SHC3: variants seen among roughly 807,000 people sequenced by gnomAD.
The protein encoded by SHC3 is SHC adaptor protein 3.
In SHC3, 15 loss-of-function variants were observed where a neutral mutation model predicts 60.4. The observed-to-expected ratio is 0.25, with a 90% confidence interval of 0.17 to 0.38. The LOEUF (loss-of-function observed/expected upper bound fraction) is 0.38, where lower values mean the gene tolerates loss of function less well. SHC3 is among the 10% of genes least tolerant of loss of function. The pLI is 1.00. For missense variants in SHC3, 677 were observed against 786.1 expected, an observed-to-expected ratio of 0.86 and a Z score of 1.66; for synonymous variants, 294 against 325.9, an observed-to-expected ratio of 0.90 and a Z score of 1.05.
At chr9:89,052,308 T>C in intron 6 of SHC3, 145 bp from the exon 7 acceptor site, 1 of 947,768 alleles carries the variant, frequency 1.1e-6, no homozygotes, top group South Asian at 1.9e-5. Flanking sequence ...ACCACAGCTT[T>C]ATCTCCAGGT....
intron 1 of SHC3, among the ~76,000 whole-genome samples, chr9:89,136,352 G>C (rs536303040): frequency 6.6e-6 from 1 of 152,162 alleles, no homozygotes; most frequent in South Asian, 2.1e-4. Context: ...GGTATGATAG[G>C]AGGTCAGCAC....
At chr9:89,109,872 G>T (rs571630142) in intron 2 of SHC3, 17 of 985,432 alleles carry the variant, frequency 1.7e-5, no homozygotes, top group Middle Eastern at 5.2e-4. Context: ...TCTCTCCCAT[G>T]AAACATCCAA....
chr9:89,168,954 G>A (rs528872207), intron 1 of SHC3, among the ~76,000 whole-genome samples: 1 of 152,206 alleles, frequency 6.6e-6, no homozygotes, highest in Non-Finnish European at 1.5e-5. Context: ...TGAAACATTG[G>A]CTTTTCCTGG....
chr9:89,123,032 G>C (rs890622924), intron 1 of SHC3, among the ~76,000 whole-genome samples: 3 of 152,202 alleles, frequency 2.0e-5, no homozygotes, highest in Non-Finnish European at 4.4e-5. Context: ...AGTCCCAGGT[G>C]ATGCCAATGC....
chr9:89,073,183 A>G (rs1283931552), intron 4 of SHC3, among the ~76,000 whole-genome samples: 1 of 152,232 alleles, frequency 6.6e-6, no homozygotes, highest in Non-Finnish European at 1.5e-5. Context: ...ATTTTTGCTT[A>G]TAAGGCAGGT....
chr9:89,091,018 T>C (rs1405606626), intron 2 of SHC3, among the ~76,000 whole-genome samples: 1 of 152,106 alleles, frequency 6.6e-6, no homozygotes, highest in African/African-American at 2.4e-5. Context: ...TTGGGGGACA[T>C]AAAGCAAGAT....
At chr9:89,105,283 A>G (rs1008503539) in intron 2 of SHC3, among the ~76,000 whole-genome samples, 17 of 152,162 alleles carry the variant, frequency 1.1e-4, no homozygotes, top group Admixed American at 9.2e-4. Context: ...CTCTGGGTTC[A>G]GACTGTTCTA....
At chr9:89,073,236 G>GA (rs988023042) in intron 4 of SHC3, among the ~76,000 whole-genome samples, 3 of 152,072 alleles carry the variant, frequency 2.0e-5, no homozygotes, top group Non-Finnish European at 4.4e-5. Context: ...CTGTGATTTG[G>GA]AAAAAAAATG....
chr9:89,101,115 A>G (rs1825777274), intron 2 of SHC3, among the ~76,000 whole-genome samples: 1 of 152,228 alleles, frequency 6.6e-6, no homozygotes, highest in South Asian at 2.1e-4. Context: ...TTCTTAGCAT[A>G]TAAATCTTAC....
chr9:89,022,230 G>C (rs778200284), intron 11 of SHC3, among the ~76,000 whole-genome samples: 23 of 151,998 alleles, frequency 1.5e-4, no homozygotes, highest in Non-Finnish European at 7.4e-5. Context: ...CGGTCCTGTC[G>C]GGGCTCCAGG....
chr9:89,177,216 G>A (rs1236941581), intron 1 of SHC3, among the ~76,000 whole-genome samples: 1 of 151,988 alleles, frequency 6.6e-6, no homozygotes, highest in Admixed American at 6.5e-5. Flanking sequence ...GCTTGCATAA[G>A]GGTGGAATTT....
chr9:89,178,194 C>T lies in SHC3; in HGVS notation c.267G>A (p.Arg89=), dbSNP rs774219863. ...SGLRGLSSAA[R]ERAGARLSGS... is the part of the protein sequence containing the mutation. The stretch of plus-strand genomic sequence containing the variant: ...CCGAGAGCCGCGCGCCCGCCCGCTC[C>T]CGGGCGGCCGACGACAGGCCGCGGA... The change falls in exon 1 of 12, where the codon CGG becomes CGA. Residue 89 remains arginine, a synonymous_variant. Transcript: ENST00000375835. This position sits in a 1 kb window ranked among gnomAD's most constrained non-coding sequence, Gnocchi z 6.9. 4 of 1,366,724 alleles carry T rather than the reference C, an allele frequency of 2.9e-6. No homozygotes were observed. In the South Asian group the frequency reaches 7.0e-5, roughly 24 times the overall value. 84.7% of individuals were successfully genotyped at this position (1,366,724 alleles called of 1,614,324 possible).
intron 6 of SHC3, among the ~76,000 whole-genome samples, chr9:89,053,517 C>T (rs1390910510): frequency 6.6e-6 from 1 of 152,184 alleles, no homozygotes; most frequent in Non-Finnish European, 1.5e-5. Context: ...GCCCTGGGGC[C>T]TCAGCTCCTT....
intron 1 of SHC3, among the ~76,000 whole-genome samples, chr9:89,152,626 T>G (rs1826560965): frequency 6.6e-6 from 1 of 152,242 alleles, no homozygotes; most frequent in Non-Finnish European, 1.5e-5. Context: ...CCGTCTGATA[T>G]TGGCATTGGA....
chr9:89,071,429 CT>C (rs1825269388), intron 4 of SHC3, among the ~76,000 whole-genome samples, 177 bp from the exon 5 acceptor site: 1 of 152,184 alleles, frequency 6.6e-6, no homozygotes, highest in Non-Finnish European at 1.5e-5. Context: ...AATCTGATGG[CT>C]GCTGTCCAGC....
chr9:89,012,217 C>T lies in SHC3; in HGVS notation c.*1230G>A, dbSNP rs1159683372. 4 of 152,204 alleles carry T rather than the reference C, an allele frequency of 2.6e-5. No homozygotes were observed. The highest frequency in any genetic ancestry group is 5.9e-5 in the Non-Finnish European group (4 of 68,036). 9.4% of individuals were successfully genotyped at this position (152,204 alleles called of 1,614,324 possible). On this transcript the variant is annotated 3_prime_UTR_variant, in exon 12 of 12. Transcript: ENST00000375835. Reference sequence around the variant, plus strand: ...AGTATTTGAAAGGTATAAACATTGCCAGCTTTCTAACACCAAATGACTCCT... The same window carrying T: ...AGTATTTGAAAGGTATAAACATTGCTAGCTTTCTAACACCAAATGACTCCT...
At chr9:89,152,607 A>G (rs916862817) in intron 1 of SHC3, among the ~76,000 whole-genome samples, 1 of 152,218 alleles carries the variant, frequency 6.6e-6, no homozygotes, top group Non-Finnish European at 1.5e-5. Flanking sequence ...CTTATATAAC[A>G]TGGCACATCC....
chr9:89,119,190 G>A (rs1453479238), intron 1 of SHC3, among the ~76,000 whole-genome samples: 1 of 151,874 alleles, frequency 6.6e-6, no homozygotes, highest in Non-Finnish European at 1.5e-5. Context: ...GTAAAAATAA[G>A]AATAGAATAA....
chr9:89,031,058 T>C (rs1005321337), intron 11 of SHC3, among the ~76,000 whole-genome samples: 1 of 152,152 alleles, frequency 6.6e-6, no homozygotes, highest in African/African-American at 2.4e-5. Context: ...GCCCAGCTAA[T>C]TTTTTATTTT....
Sources: gnomAD v4.1 joint callset for allele counts (sites outside exome capture counted in the v4.1 genomes callset) on GRCh38, gnomAD v4.1.1 for gene constraint, Gnocchi (gnomAD v3.1) non-coding constraint, MANE v1.5 for transcripts, NCBI Gene and HGNC (gene_info 2026-07-23, HGNC 2026-07-21) for gene names.